Variants in CAMTA1 observed in about 807,000 individuals in gnomAD.
CAMTA1 encodes the protein calmodulin-binding transcription activator 1.
A neutral mutation model predicts 170.9 loss-of-function variants in CAMTA1; 27 were observed. That is an observed-to-expected ratio of 0.16 (90% CI 0.12 to 0.22). The LOEUF is 0.22. Among genes scored for constraint, CAMTA1 ranks in the 10% least tolerant of loss-of-function variants. The pLI, the probability that CAMTA1 is intolerant of heterozygous loss-of-function variation, is 1.00. For synonymous variants in CAMTA1, 833 were observed against 891.5 expected, an observed-to-expected ratio of 0.93 and a Z score of 1.17; for missense variants, 1,619 against 2,217.2, an observed-to-expected ratio of 0.73 and a Z score of 5.42.
At chr1:7,129,916 C>A (rs1458362050) in intron 4 of CAMTA1, among the ~76,000 whole-genome samples, 1 of 110,876 alleles carries the variant, frequency 9.0e-6, no homozygotes, top group Non-Finnish European at 1.8e-5. Context: ...GATCTACCTT[C>A]TTTTGTGTGT....
intron 3 of CAMTA1, among the ~76,000 whole-genome samples, chr1:7,069,994 T>C (rs1366122926): frequency 3.3e-5 from 5 of 152,240 alleles, no homozygotes; most frequent in African/African-American, 7.2e-5. Flanking sequence ...CCGCGGCCTC[T>C]GGTTCACGTC....
At chr1:7,292,991 C>T (rs551062538) in intron 5 of CAMTA1, among the ~76,000 whole-genome samples, 1 of 152,244 alleles carries the variant, frequency 6.6e-6, no homozygotes, top group Middle Eastern at 3.4e-3. Flanking sequence ...GGCATGTCCT[C>T]CCTGCCTCCT....
intron 7 of CAMTA1, among the ~76,000 whole-genome samples, chr1:7,651,535 T>C (rs935316386): frequency 6.6e-6 from 1 of 152,270 alleles, no homozygotes; most frequent in Non-Finnish European, 1.5e-5. Flanking sequence ...TCTGGAGTTC[T>C]CTCTGTCTCC....
At chr1:7,237,360 A>C (rs1255824945) in intron 4 of CAMTA1, among the ~76,000 whole-genome samples, 1 of 152,162 alleles carries the variant, frequency 6.6e-6, no homozygotes, top group African/African-American at 2.4e-5. Context: ...GATCCACCGC[A>C]AGTCCACGGC....
chr1:7,262,378 A>C (rs889426759), intron 5 of CAMTA1, among the ~76,000 whole-genome samples: 1 of 152,122 alleles, frequency 6.6e-6, no homozygotes, highest in Non-Finnish European at 1.5e-5. Flanking sequence ...CCTAGCCAAC[A>C]TGGTGAAACC....
In CAMTA1 at chr1:6,850,470, T is replaced by A. The variant is rs145673895; in HGVS notation, c.234+25260T>A. Among the ~76,000 whole-genome samples, 489 of 152,270 alleles carry A rather than the reference T, an allele frequency of 3.2e-3. 3 individuals are homozygous for A. Among genetic ancestry groups the A allele is most frequent in the African/African-American group, 0.01 (422 of 41,552 alleles). On this transcript the variant is annotated intron_variant, in intron 3 of 22. Coordinates refer to ENST00000303635, the MANE Select transcript of CAMTA1 (RefSeq NM_015215.4). ...AAAATGACAGGAATTACAGAAGGGG[T>A]AGACCCACAAAGAGTGAAAAAGGGA...
chr1:6,861,883 C>T (rs1356982765), intron 3 of CAMTA1, among the ~76,000 whole-genome samples: 4 of 152,208 alleles, frequency 2.6e-5, no homozygotes, highest in East Asian at 1.9e-4. Context: ...CCCTCGCCCC[C>T]GGCAACCACC....
intron 8 of CAMTA1, 141 bp downstream of exon 8, chr1:7,662,007 C>T (rs1380183371): frequency 9.9e-7 from 1 of 1,011,818 alleles, no homozygotes; most frequent in South Asian, 1.6e-5. Context: ...GGCGACACCA[C>T]CGCACCCAGC....
chr1:7,323,938 T>C (rs369459872), intron 5 of CAMTA1, among the ~76,000 whole-genome samples: 4 of 152,226 alleles, frequency 2.6e-5, no homozygotes, highest in Non-Finnish European at 5.9e-5. Flanking sequence ...TGGTCCAAAA[T>C]GTGTTCCATG....
chr1:7,573,899 G>T (rs113802171), intron 6 of CAMTA1, among the ~76,000 whole-genome samples: 5 of 151,832 alleles, frequency 3.3e-5, no homozygotes, highest in African/African-American at 1.2e-4. Flanking sequence ...TCAGCCTCCC[G>T]TGTAGCTGGG....
At chr1:7,111,064 T>C (rs1357213737) in intron 4 of CAMTA1, among the ~76,000 whole-genome samples, 1 of 152,238 alleles carries the variant, frequency 6.6e-6, no homozygotes, top group Non-Finnish European at 1.5e-5. Context: ...CTGCATTCTT[T>C]GGCTCTGGGT....
intron 4 of CAMTA1, among the ~76,000 whole-genome samples, chr1:7,158,195 C>A (rs1251428919): frequency 6.6e-6 from 1 of 152,094 alleles, no homozygotes; most frequent in Admixed American, 6.6e-5. Context: ...GGATACATGC[C>A]ACACACATGG....
intron 10 of CAMTA1, among the ~76,000 whole-genome samples, chr1:7,672,531 C>T (rs1190475304): frequency 1.3e-5 from 2 of 152,166 alleles, no homozygotes; most frequent in African/African-American, 4.8e-5. Context: ...AAGTGATTCT[C>T]TTGCCTCAGC....
chr1:7,499,025 TGA>T lies in CAMTA1; in HGVS notation c.510+31126_510+31127del, dbSNP rs1384993903. ...GTGTGTGTGCATGTGTGTCCATGAG[TGA>T]GTGTGTAGAGAGGATTGTGTGAGCC... On this transcript the variant is annotated intron_variant, in intron 6 of 22. Transcript: ENST00000303635. Among the ~76,000 whole-genome samples, 49 of 22,760 alleles carry T rather than the reference TGA, an allele frequency of 2.2e-3. 4 individuals carry two copies. Among genetic ancestry groups the T allele is most frequent in the African/African-American group, 0.011 (20 of 1,770 alleles). The allele number at this position is 22,760 out of a possible 152,430, so 14.9% of individuals were successfully genotyped here.
chr1:7,471,767 G>A lies in CAMTA1; in HGVS notation c.510+3866G>A, dbSNP rs538763998. Among the ~76,000 whole-genome samples the A allele has an allele frequency of 5.3e-5, 8 of 152,360 alleles. No homozygotes were observed. The South Asian group carries it at 1.7e-3, about 32-fold the overall frequency. ...ATGAAGGGGTGAGCTGGACAGAGCG[G>A]TCCCTCCTGTTTGGGATTTTCTGAT... On this transcript the variant is annotated intron_variant, in intron 6 of 22. Coordinates refer to ENST00000303635, the MANE Select transcript of CAMTA1 (RefSeq NM_015215.4).
chr1:7,448,813 C>G (rs1349324128), intron 5 of CAMTA1, among the ~76,000 whole-genome samples: 1 of 152,188 alleles, frequency 6.6e-6, no homozygotes, highest in Non-Finnish European at 1.5e-5. Flanking sequence ...CCTCCTAATC[C>G]CATCTCCTCG....
intron 4 of CAMTA1, among the ~76,000 whole-genome samples, chr1:7,148,122 C>T (rs1573454271): frequency 6.6e-6 from 1 of 151,226 alleles, no homozygotes; most frequent in African/African-American, 2.4e-5. Flanking sequence ...CGCACACACA[C>T]TAAAAATACA....
At chr1:7,338,985 A>G (rs2083592609) in intron 5 of CAMTA1, among the ~76,000 whole-genome samples, 1 of 152,124 alleles carries the variant, frequency 6.6e-6, no homozygotes, top group South Asian at 2.1e-4. Context: ...GAGCAGGAGG[A>G]TGAGAGAGAA....
At chr1:7,179,167 A>G (rs1179484228) in intron 4 of CAMTA1, among the ~76,000 whole-genome samples, 2 of 152,236 alleles carry the variant, frequency 1.3e-5, no homozygotes, top group African/African-American at 2.4e-5. Flanking sequence ...GCAGGTGCTC[A>G]ATGACTACAC....
Sources: allele counts gnomAD v4.1 joint callset (sites outside exome capture counted in the v4.1 genomes callset), GRCh38; gene constraint gnomAD v4.1.1; transcripts MANE v1.5; gene names NCBI Gene and HGNC (gene_info 2026-07-23, HGNC 2026-07-21).